Variants in ZMYM4 observed in about 807,000 individuals in gnomAD.
The protein encoded by ZMYM4 is zinc finger MYM-type protein 4.
Under a neutral mutation model 183.2 loss-of-function variants are expected in ZMYM4, and 31 were observed. The observed-to-expected ratio is 0.17, with a 90% CI of 0.13 to 0.23. ZMYM4 has a LOEUF of 0.23. Among genes scored for constraint, ZMYM4 ranks in the 10% least tolerant of loss-of-function variants. The pLI is 1.00. For missense variants in ZMYM4, 1,273 were observed against 1,840.3 expected, an observed-to-expected ratio of 0.69 and a Z score of 5.64; for synonymous variants, 592 against 631.2, an observed-to-expected ratio of 0.94 and a Z score of 0.93.
In ZMYM4 at chr1:35,421,800, T is replaced by G. The variant is rs1260138129; in HGVS notation, c.*2123T>G. 1 of 152,186 alleles carries G rather than the reference T, an allele frequency of 6.6e-6. No individual in the cohort carries two copies. Among genetic ancestry groups the G allele is most frequent in the African/African-American group, 2.4e-5 (1 of 41,446 alleles). 9.4% of individuals were successfully genotyped at this position (152,186 alleles called of 1,614,324 possible). A position where few individuals can be genotyped will look rare whatever the true frequency, so the allele number is the denominator to read the frequency against. ...ATGAAAATTGTGTAAAATTACATTT[T>G]TTTTCCAGGGGAGAAAAAAACATCA... On this transcript the variant is annotated 3_prime_UTR_variant, in exon 30 of 30. Coordinates refer to ENST00000314607, the MANE Select transcript of ZMYM4 (RefSeq NM_005095.3).
At chr1:35,305,623 C>T (rs745623238) in intron 1 of ZMYM4, among the ~76,000 whole-genome samples, 5 of 151,826 alleles carry the variant, frequency 3.3e-5, no homozygotes, top group Admixed American at 6.6e-5. Context: ...AACTTACTGC[C>T]GCCTCGAACT....
At chr1:35,380,621 C>T (rs960095121) in intron 7 of ZMYM4, among the ~76,000 whole-genome samples, 5 of 152,110 alleles carry the variant, frequency 3.3e-5, no homozygotes, top group Admixed American at 6.6e-5. Context: ...CCACTGCGCC[C>T]GGCCGAAAAA....
chr1:35,417,251 AAAAG>A (rs1000003586), intron 28 of ZMYM4, among the ~76,000 whole-genome samples: 9 of 151,582 alleles, frequency 5.9e-5, no homozygotes, highest in Middle Eastern at 3.5e-3. Context: ...AAAAAAAAAA[AAAAG>A]AAAGAAAACC....
chr1:35,361,172 G>GT (rs751039982), intron 3 of ZMYM4, 22 bp from the exon 4 acceptor site: 19,754 of 1,283,614 alleles, frequency 0.015, no homozygotes, highest in South Asian at 0.026. Flanking sequence ...GTGTTTGTTT[G>GT]TTTTTTTTTT....
chr1:35,348,375 T>C (rs1218593692), intron 2 of ZMYM4, among the ~76,000 whole-genome samples: 3 of 152,246 alleles, frequency 2.0e-5, no homozygotes, highest in Non-Finnish European at 4.4e-5. Context: ...TATTTCTGTG[T>C]GTACACAAAC....
At chr1:35,358,283 ATATT>A (rs1164086714) in intron 2 of ZMYM4, among the ~76,000 whole-genome samples, 1 of 152,138 alleles carries the variant, frequency 6.6e-6, no homozygotes, top group African/African-American at 2.4e-5. Context: ...AGATTAGTAT[ATATT>A]AGTAGTTTTA....
chr1:35,316,296 T>G (rs994686392), intron 1 of ZMYM4, among the ~76,000 whole-genome samples: 2 of 152,204 alleles, frequency 1.3e-5, no homozygotes, highest in South Asian at 2.1e-4. Context: ...ACTGTGTATT[T>G]GGTAGCAAAT....
intron 27 of ZMYM4, among the ~76,000 whole-genome samples, chr1:35,414,853 C>T (rs1240755276): frequency 6.6e-6 from 1 of 151,768 alleles, no homozygotes; most frequent in East Asian, 1.9e-4. Flanking sequence ...TCAAGATCAG[C>T]CTGGGCAACA....
At chr1:35,307,965 G>C (rs747907681) in intron 1 of ZMYM4, among the ~76,000 whole-genome samples, 105 of 152,180 alleles carry the variant, frequency 6.9e-4, no homozygotes, top group Non-Finnish European at 8.8e-5. Context: ...AAGTAGCTGG[G>C]ATTACAGGCG....
At chr1:35,294,305 G>A (rs1273939052) in intron 1 of ZMYM4, among the ~76,000 whole-genome samples, 6 of 152,122 alleles carry the variant, frequency 3.9e-5, no homozygotes, top group Non-Finnish European at 5.9e-5. Flanking sequence ...GGTATATCAT[G>A]TTCCTGGATG....
Position 35,290,336 on chromosome 1 carries a change from T to C in ZMYM4, c.39+21251T>C, listed in dbSNP as rs993518187. ...CAGCCATAACTACTAATTGTACTTATGCTTAGCATATTTCTTTCTAGGATA... is the reference window on the plus strand; with the variant it reads ...CAGCCATAACTACTAATTGTACTTACGCTTAGCATATTTCTTTCTAGGATA... On this transcript the variant is annotated intron_variant, in intron 1 of 29. Transcript: ENST00000314607. Among the ~76,000 whole-genome samples, 6 of 152,386 alleles carry C rather than the reference T, an allele frequency of 3.9e-5. No individual in the cohort carries two copies. In the South Asian group the frequency reaches 1.2e-3, roughly 32 times the overall value.
intron 2 of ZMYM4, among the ~76,000 whole-genome samples, chr1:35,335,121 T>C (rs1642918078): frequency 6.6e-6 from 1 of 152,246 alleles, no homozygotes; most frequent in African/African-American, 2.4e-5. Context: ...ATTTTGTGTT[T>C]ATTTTCTTGC....
chr1:35,419,097 A>G (rs1640235326), intron 29 of ZMYM4, among the ~76,000 whole-genome samples: 2 of 152,160 alleles, frequency 1.3e-5, no homozygotes, highest in African/African-American at 2.4e-5. Flanking sequence ...GTGCTTGGCC[A>G]TAGTGTCACA....
intron 7 of ZMYM4, among the ~76,000 whole-genome samples, chr1:35,375,253 T>A (rs1392467771): frequency 2.0e-5 from 3 of 152,192 alleles, no homozygotes; most frequent in South Asian, 2.1e-4. Context: ...CTTTCTGAAC[T>A]ACTCTTTAAT....
At position 35,296,843 on chromosome 1, in the gene ZMYM4, C is replaced by CTTTCTTTCTT. The variant is rs1553163901; in HGVS notation, c.39+27761_39+27762insCTTTCTTTTT. ...ACCTTTTCTTTTTCTTTCTTTCTTT[C>CTTTCTTTCTT]TTTTTTTTTTTTTTTTTTTTTTGAG... On this transcript the variant is annotated intron_variant, in intron 1 of 29. Coordinates refer to ENST00000314607, the MANE Select transcript of ZMYM4 (RefSeq NM_005095.3). 3.1e-5 allele frequency among the ~76,000 whole-genome samples: 3 copies of CTTTCTTTCTT among 95,602 alleles called. No homozygotes were observed. In the East Asian group the frequency reaches 2.1e-3, roughly 68 times the overall value. The allele number at this position is 95,602 out of a possible 152,430, so 62.7% of individuals were successfully genotyped here.
At position 35,393,577 on chromosome 1, in the gene ZMYM4, AATTTG is replaced by A; in HGVS notation, c.2767-17_2767-13del. On this transcript the variant is annotated splice_polypyrimidine_tract_variant and intron_variant, in intron 17 of 29. Transcript: ENST00000314607. ...ATTTTTAAAAATGTTTTTGGTTTCT[AATTTG>A]TTTTTTTACTAGGCAAGTACTCAAA... is the stretch of plus-strand genomic sequence containing the variant. 1 of 1,559,520 alleles carries A rather than the reference AATTTG, an allele frequency of 6.4e-7. No homozygotes were observed. The highest frequency in any genetic ancestry group is 1.3e-5 in the South Asian group (1 of 79,844).
chr1:35,397,528 A>AGAC lies in ZMYM4; in HGVS notation c.3183_3185dup (p.Thr1062dup). 6.2e-7 allele frequency: 1 copy of AGAC among 1,611,778 alleles called. No individual in the cohort carries two copies. The highest frequency in any genetic ancestry group is 1.1e-5 in the South Asian group (1 of 90,508). On this transcript the variant is annotated inframe_insertion, in exon 20 of 30. Coordinates refer to ENST00000314607, the MANE Select transcript of ZMYM4 (RefSeq NM_005095.3). ...ATGATTGCAGAAGATGAAGAGAAGA[A>AGAC]GACTCTATCTCAGGGAGGTTGGTAT...
chr1:35,325,879 CAT>C (rs1382335855), intron 2 of ZMYM4, among the ~76,000 whole-genome samples: 1 of 152,074 alleles, frequency 6.6e-6, no homozygotes, highest in African/African-American at 2.4e-5. Context: ...AAAAGTTTAA[CAT>C]ATATATCTTT....
intron 25 of ZMYM4, among the ~76,000 whole-genome samples, chr1:35,406,178 C>G (rs924469098): frequency 6.6e-6 from 1 of 152,092 alleles, no homozygotes; most frequent in African/African-American, 2.4e-5. Flanking sequence ...TCCAGTCTAC[C>G]CTGTTGGTTT....
Sources: gnomAD v4.1 joint callset for allele counts (sites outside exome capture counted in the v4.1 genomes callset) on GRCh38, gnomAD v4.1.1 for gene constraint, MANE v1.5 for transcripts, NCBI Gene and HGNC (gene_info 2026-07-23, HGNC 2026-07-21) for gene names.